The following FAM174A variants were observed in gnomAD, a reference collection of about 807,000 sequenced individuals.
The protein encoded by FAM174A is family with sequence similarity 174 member A.
A neutral mutation model predicts 14.3 loss-of-function variants in FAM174A; 14 were observed. The observed-to-expected ratio is 0.98, with a 90% CI of 0.65 to 1.53. FAM174A has a LOEUF of 1.53. FAM174A is among the 40% of genes most tolerant of loss of function. The pLI is 0.00. For synonymous variants in FAM174A, 108 were observed against 111.4 expected, an observed-to-expected ratio of 0.97 and a Z score of 0.19; for missense variants, 241 against 249.6, an observed-to-expected ratio of 0.97 and a Z score of 0.23.
chr5:100,537,426 AT>A (rs758764538), intron 1 of FAM174A, among the ~76,000 whole-genome samples: 4 of 152,130 alleles, frequency 2.6e-5, no homozygotes, highest in Non-Finnish European at 5.9e-5. Flanking sequence ...GTTTACTATT[AT>A]TTTAAATCAG....
intron 1 of FAM174A, among the ~76,000 whole-genome samples, chr5:100,559,173 A>G (rs907833357): frequency 6.6e-6 from 1 of 152,018 alleles, no homozygotes; most frequent in African/African-American, 2.4e-5. Flanking sequence ...TCTGTAAAGT[A>G]TTTTATTTCT....
chr5:100,560,685 A>C (rs79348469), intron 1 of FAM174A, among the ~76,000 whole-genome samples: 364 of 152,162 alleles, frequency 2.4e-3, no homozygotes, highest in African/African-American at 8.4e-3. Context: ...GTCATGTTTG[A>C]GGAGTCTCAT....
At chr5:100,542,813 G>C (rs1580362740) in intron 1 of FAM174A, among the ~76,000 whole-genome samples, 1 of 152,034 alleles carries the variant, frequency 6.6e-6, no homozygotes, top group Non-Finnish European at 1.5e-5. Flanking sequence ...GGGCAATATA[G>C]TGAGATCCTG....
intron 1 of FAM174A, among the ~76,000 whole-genome samples, chr5:100,554,028 C>T (rs1038794070): frequency 7.2e-5 from 11 of 152,118 alleles, no homozygotes; most frequent in South Asian, 2.1e-4. Context: ...ATATATGACC[C>T]GGGAGAATCT....
Position 100,551,566 on chromosome 5 carries a change from C to T in FAM174A, c.435-10488C>T, listed in dbSNP as rs577871633. On this transcript the variant is annotated intron_variant, in intron 1 of 2. Coordinates refer to ENST00000312637, the MANE Select transcript of FAM174A (RefSeq NM_198507.3). Reference sequence around the variant, plus strand: ...GTAAGATCTCCTTAATTTCCCTTTCCTCTCTCTCTTTATCCTTCACAGGCC... The same window carrying T: ...GTAAGATCTCCTTAATTTCCCTTTCTTCTCTCTCTTTATCCTTCACAGGCC... 2.6e-5 allele frequency among the ~76,000 whole-genome samples: 4 copies of T among 152,228 alleles called. No individual in the cohort carries two copies. The South Asian group carries it at 8.3e-4, about 32-fold the overall frequency.
chr5:100,562,303 G>A, intron 2 of FAM174A, 115 bp downstream of exon 2: 2 of 977,192 alleles, frequency 2.0e-6, no homozygotes, highest in Admixed American at 3.0e-5. Flanking sequence ...AGTTTCTTCA[G>A]TTCTGTTTAC....
intron 2 of FAM174A, among the ~76,000 whole-genome samples, chr5:100,579,512 G>A (rs569370282): frequency 2.0e-5 from 3 of 151,890 alleles, no homozygotes; most frequent in South Asian, 4.2e-4. Context: ...GCAGCCTCCC[G>A]CTTCCAGGTT....
At chr5:100,561,656 G>A (rs527677128) in intron 1 of FAM174A, among the ~76,000 whole-genome samples, 2 of 151,908 alleles carry the variant, frequency 1.3e-5, no homozygotes, top group African/African-American at 4.8e-5. Context: ...TTTCTTAGAG[G>A]GGCATCTAAA....
At chr5:100,541,570 T>A (rs570444274) in intron 1 of FAM174A, among the ~76,000 whole-genome samples, 3 of 152,134 alleles carry the variant, frequency 2.0e-5, no homozygotes, top group Admixed American at 2.0e-4. Context: ...CAGTCTTGTT[T>A]AAATGCCATT....
chr5:100,561,280 G>A (rs942339179), intron 1 of FAM174A, among the ~76,000 whole-genome samples: 4 of 151,858 alleles, frequency 2.6e-5, no homozygotes, highest in African/African-American at 9.7e-5. Context: ...ACTTGAATAT[G>A]CATCAAAAGC....
rs550516848 is a variant in FAM174A, at chr5:100,563,667, C to T, written c.569+1479C>T. 2.2e-4 allele frequency among the ~76,000 whole-genome samples: 34 copies of T among 151,976 alleles called. No homozygotes were observed. In the South Asian group the frequency reaches 7.0e-3, roughly 32 times the overall value. ...CCTGACAGACATATACAGAACTTTGCACCCAACAGCAGAAGAATTCACATT... is the reference window on the plus strand; with the variant it reads ...CCTGACAGACATATACAGAACTTTGTACCCAACAGCAGAAGAATTCACATT... On this transcript the variant is annotated intron_variant, in intron 2 of 2. Coordinates refer to ENST00000312637, the MANE Select transcript of FAM174A (RefSeq NM_198507.3).
intron 1 of FAM174A, among the ~76,000 whole-genome samples, chr5:100,561,826 G>C (rs181194638): frequency 6.6e-6 from 1 of 151,958 alleles, no homozygotes; most frequent in Non-Finnish European, 1.5e-5. Flanking sequence ...GACACAGAGA[G>C]AAGAGAGTAT....
At chr5:100,547,192 A>G (rs1006155971) in intron 1 of FAM174A, among the ~76,000 whole-genome samples, 3 of 152,092 alleles carry the variant, frequency 2.0e-5, no homozygotes, top group South Asian at 2.1e-4. Context: ...GTGATTTTTC[A>G]TGGTAGAAAA....
chr5:100,549,476 C>A (rs536143924), intron 1 of FAM174A, among the ~76,000 whole-genome samples: 1 of 152,088 alleles, frequency 6.6e-6, no homozygotes, highest in African/African-American at 2.4e-5. Flanking sequence ...TGCCAACATG[C>A]CTTCAACAGG....
rs1393320268 is a variant in FAM174A at position 100,537,705 on chromosome 5, TAAAG to T, written c.434+1747_434+1750del. On this transcript the variant is annotated intron_variant, in intron 1 of 2. Transcript: ENST00000312637. ...CCAAACTGAGACTTTCTTCTTAATA[TAAAG>T]AAAGATTAAAAGAATATTGAAACAA... is the stretch of plus-strand genomic sequence containing the variant. Among the ~76,000 whole-genome samples the T allele has an allele frequency of 2.6e-5, 4 of 152,286 alleles. No homozygotes were observed. The South Asian group carries it at 8.3e-4, about 32-fold the overall frequency.
chr5:100,579,694 G>C (rs754474382), intron 2 of FAM174A, among the ~76,000 whole-genome samples: 1 of 152,126 alleles, frequency 6.6e-6, no homozygotes, highest in Non-Finnish European at 1.5e-5. Context: ...CCAAAGTGCT[G>C]GGATTACAGG....
chr5:100,569,209 A>G (rs1439703391), intron 2 of FAM174A, among the ~76,000 whole-genome samples: 1 of 151,864 alleles, frequency 6.6e-6, no homozygotes, highest in Non-Finnish European at 1.5e-5. Context: ...AAGATGTAAT[A>G]TGCTATATAT....
At chr5:100,563,703 G>A (rs1746580001) in intron 2 of FAM174A, among the ~76,000 whole-genome samples, 1 of 151,858 alleles carries the variant, frequency 6.6e-6, no homozygotes, top group Admixed American at 6.6e-5. Context: ...CTTCTCAAGT[G>A]CCCATGGGAT....
At chr5:100,565,172 G>A (rs1422186821) in intron 2 of FAM174A, among the ~76,000 whole-genome samples, 1 of 151,760 alleles carries the variant, frequency 6.6e-6, no homozygotes, top group African/African-American at 2.4e-5. Context: ...ATGATTAAGT[G>A]GGATTTGTCC....
Sources: allele counts gnomAD v4.1 joint callset (sites outside exome capture counted in the v4.1 genomes callset), GRCh38; gene constraint gnomAD v4.1.1; transcripts MANE v1.5; gene names NCBI Gene and HGNC (gene_info 2026-07-23, HGNC 2026-07-21).